Variants in ERC2 observed in about 807,000 individuals in gnomAD.
ERC2 encodes ELKS/RAB6-interacting/CAST family member 2, also known as ERC protein 2.
A neutral mutation model predicts 114.8 loss-of-function variants in ERC2; 42 were observed. The observed-to-expected ratio is 0.37, with a 90% CI of 0.29 to 0.47. ERC2 has a LOEUF of 0.47. Among genes scored for constraint, ERC2 ranks in the 20% least tolerant of loss-of-function variants. The pLI, the probability that ERC2 is intolerant of heterozygous loss-of-function variation, is 0.99. For missense variants in ERC2, 939 were observed against 1,150.7 expected, an observed-to-expected ratio of 0.82 and a Z score of 2.66; for synonymous variants, 454 against 425.5, an observed-to-expected ratio of 1.07 and a Z score of -0.82.
intron 17 of ERC2, among the ~76,000 whole-genome samples, chr3:55,565,211 G>C (rs183395372): frequency 2.0e-5 from 3 of 152,318 alleles, no homozygotes; most frequent in East Asian, 3.9e-4. Context: ...GTCATGCGAA[G>C]CCAAACTTAA....
At position 55,653,843 on chromosome 3, in the gene ERC2, C is replaced by T. The variant is rs563967955; in HGVS notation, c.*39+29951G>A. ...TCTATGGTGATTACTGCCATCAAGG[C>T]CATATTTGTTCCTCAGATCATCTAC... On this transcript the variant is annotated intron_variant, in intron 17 of 17. Transcript: ENST00000288221. Among the ~76,000 whole-genome samples, 4 of 152,320 alleles carry T rather than the reference C, an allele frequency of 2.6e-5. No individual in the cohort carries two copies. The South Asian group carries it at 8.3e-4, about 32-fold the overall frequency.
chr3:56,147,417 T>C (rs963229716), intron 5 of ERC2, among the ~76,000 whole-genome samples: 2 of 152,200 alleles, frequency 1.3e-5, no homozygotes, highest in African/African-American at 4.8e-5. Context: ...AGATGGAAAG[T>C]TGACAGAAGT....
chr3:55,746,257 G>T (rs2066292986), intron 14 of ERC2, among the ~76,000 whole-genome samples: 2 of 150,656 alleles, frequency 1.3e-5, no homozygotes, highest in Admixed American at 1.3e-4. Flanking sequence ...TTTTTTAAAT[G>T]AAGTCTTGCT....
In ERC2 at chr3:56,221,627, G is replaced by A. The variant is rs1303981573; in HGVS notation, c.1075-48107C>T. Among the ~76,000 whole-genome samples the A allele has an allele frequency of 4.6e-5, 7 of 152,256 alleles. No individual in the cohort carries two copies. The East Asian group carries it at 5.8e-4, about 13-fold the overall frequency. ...TCTGCATAAAATCTAAAAAGCAGCC[G>A]GGCACAGTGGCTCACGCCTGTAATC... On this transcript the variant is annotated intron_variant, in intron 3 of 17. Coordinates refer to ENST00000288221, the MANE Select transcript of ERC2 (RefSeq NM_015576.3).
chr3:55,624,063 T>C (rs916040256), intron 17 of ERC2, among the ~76,000 whole-genome samples: 1 of 151,998 alleles, frequency 6.6e-6, no homozygotes, highest in African/African-American at 2.4e-5. Context: ...CTCCAACAGC[T>C]CAAGAGAGAG....
At chr3:56,026,151 G>A (rs1489291686) in intron 7 of ERC2, among the ~76,000 whole-genome samples, 1 of 138,068 alleles carries the variant, frequency 7.2e-6, no homozygotes, top group Non-Finnish European at 1.5e-5. Context: ...CCGGGTTCAA[G>A]CCATTCTCCT....
chr3:55,811,667 G>T (rs2059725327), intron 14 of ERC2, among the ~76,000 whole-genome samples: 1 of 152,006 alleles, frequency 6.6e-6, no homozygotes, highest in African/African-American at 2.4e-5. Context: ...CTACCTACCT[G>T]CTCTTTATCT....
intron 15 of ERC2, among the ~76,000 whole-genome samples, chr3:55,705,003 A>C (rs1346251691): frequency 6.6e-6 from 1 of 152,220 alleles, no homozygotes; most frequent in African/African-American, 2.4e-5. Context: ...AGTGAGTAGA[A>C]GAACAGAACT....
chr3:56,357,967 C>T (rs1196714068), intron 2 of ERC2, among the ~76,000 whole-genome samples: 1 of 151,730 alleles, frequency 6.6e-6, no homozygotes, highest in Non-Finnish European at 1.5e-5. Context: ...TTCCACCAGA[C>T]TCCTTCTGCC....
At chr3:55,809,723 T>C (rs2059642236) in intron 14 of ERC2, among the ~76,000 whole-genome samples, 1 of 152,168 alleles carries the variant, frequency 6.6e-6, no homozygotes, top group South Asian at 2.1e-4. Flanking sequence ...CCACTGGGCT[T>C]CCCTACAAGC....
At chr3:56,199,839 G>A (rs959886134) in intron 3 of ERC2, among the ~76,000 whole-genome samples, 5 of 152,070 alleles carry the variant, frequency 3.3e-5, no homozygotes, top group African/African-American at 1.2e-4. Flanking sequence ...CACCACTCTG[G>A]CTGCCATGTG....
intron 12 of ERC2, among the ~76,000 whole-genome samples, chr3:55,960,182 G>A (rs1455227054): frequency 6.6e-6 from 1 of 152,164 alleles, no homozygotes; most frequent in Non-Finnish European, 1.5e-5. Flanking sequence ...AAGTAAGTCA[G>A]ATCATGCACT....
chr3:55,628,620 G>A (rs2059617999), intron 17 of ERC2, among the ~76,000 whole-genome samples: 1 of 152,046 alleles, frequency 6.6e-6, no homozygotes, highest in Non-Finnish European at 1.5e-5. Context: ...GGGTTCCATC[G>A]AGGCCCAAAT....
intron 14 of ERC2, among the ~76,000 whole-genome samples, chr3:55,819,830 G>C (rs1328926662): frequency 6.6e-6 from 1 of 152,232 alleles, no homozygotes; most frequent in Non-Finnish European, 1.5e-5. Context: ...TGGGAAACAT[G>C]AACCTTTTCA....
chr3:55,714,808 T>G (rs910911958), intron 15 of ERC2, among the ~76,000 whole-genome samples: 1 of 147,836 alleles, frequency 6.8e-6, no homozygotes, highest in Non-Finnish European at 1.5e-5. Context: ...CCTTTCTATA[T>G]TATTTAAATA....
chr3:56,464,007 C>T (rs958014780), intron 1 of ERC2, among the ~76,000 whole-genome samples: 10 of 152,084 alleles, frequency 6.6e-5, no homozygotes, highest in African/African-American at 1.4e-4. Context: ...TATAGCCAGC[C>T]CTCTAAAATC....
intron 10 of ERC2, chr3:56,003,057 T>C (rs1415759223): frequency 3.1e-6 from 4 of 1,277,396 alleles, no homozygotes; most frequent in Non-Finnish European, 4.1e-6. Flanking sequence ...TGGATCCTCA[T>C]GCTTTGATAT....
intron 13 of ERC2, among the ~76,000 whole-genome samples, chr3:55,931,016 G>T (rs2066047844): frequency 6.6e-6 from 1 of 152,150 alleles, no homozygotes; most frequent in South Asian, 2.1e-4. Context: ...TATCATCACT[G>T]GTCATTAGAG....
At chr3:56,074,704 G>A (rs2076892700) in intron 7 of ERC2, among the ~76,000 whole-genome samples, 1 of 152,174 alleles carries the variant, frequency 6.6e-6, no homozygotes, top group African/African-American at 2.4e-5. Flanking sequence ...GATGTTAGGT[G>A]TGGGTACAGC....
Sources: gnomAD v4.1 joint callset for allele counts (sites outside exome capture counted in the v4.1 genomes callset) on GRCh38, gnomAD v4.1.1 for gene constraint, MANE v1.5 for transcripts, NCBI Gene and HGNC (gene_info 2026-07-23, HGNC 2026-07-21) for gene names.